Variants in YAF2 observed in about 807,000 individuals in gnomAD.
The protein encoded by YAF2 is YY1 associated factor 2, also known as YY1-associated factor 2.
A neutral mutation model predicts 20.1 loss-of-function variants in YAF2; 7 were observed. The observed-to-expected ratio is 0.35, with a 90% CI of 0.20 to 0.65. The LOEUF is 0.65. YAF2 is among the 30% of genes least tolerant of loss of function. The pLI is 0.69. For synonymous variants in YAF2, 74 were observed against 76.0 expected (o/e 0.97, Z 0.14); for missense variants, 151 against 219.2 (o/e 0.69, Z 1.96).
chr12:42,196,198 G>T (rs2066746561), intron 2 of YAF2, among the ~76,000 whole-genome samples: 1 of 132,704 alleles, frequency 7.5e-6, no homozygotes, highest in Non-Finnish European at 1.5e-5. Flanking sequence ...CTGCACTCCA[G>T]CCTGGGCGAC....
At chr12:42,180,099 C>T (rs978928538) in intron 2 of YAF2, among the ~76,000 whole-genome samples, 1 of 152,158 alleles carries the variant, frequency 6.6e-6, no homozygotes, top group Non-Finnish European at 1.5e-5. Context: ...TGGCAGGCAG[C>T]CTTCTAAAAT....
intron 2 of YAF2, among the ~76,000 whole-genome samples, 160 bp from the exon 3 acceptor site, chr12:42,161,925 TA>T (rs1256550058): frequency 6.6e-6 from 1 of 152,214 alleles, no homozygotes. Context: ...ATTTTAAAGA[TA>T]TGTATCAGTT....
At chr12:42,227,759 C>G (rs2067779848) in intron 2 of YAF2, among the ~76,000 whole-genome samples, 1 of 148,892 alleles carries the variant, frequency 6.7e-6, no homozygotes, top group East Asian at 2.2e-4. Context: ...GGGGGGTCAG[C>G]CCCCCGCCTG....
chr12:42,219,459 G>C (rs1215007573), intron 2 of YAF2, among the ~76,000 whole-genome samples: 1 of 152,182 alleles, frequency 6.6e-6, no homozygotes, highest in African/African-American at 2.4e-5. Context: ...AGGTATAACA[G>C]AGAAAGCATT....
chr12:42,230,871 A>T lies in YAF2; in HGVS notation c.152+6728T>A, dbSNP rs1311241713. ...CATGAAGGAAGTAGAGTTTCAATTTAAAAAGGGCCAAGAACATCAAATACT... is the reference window on the plus strand; with the variant it reads ...CATGAAGGAAGTAGAGTTTCAATTTTAAAAGGGCCAAGAACATCAAATACT... On this transcript the variant is annotated intron_variant, in intron 2 of 3. Transcript: ENST00000534854. Among the ~76,000 whole-genome samples, 10 of 152,236 alleles carry T rather than the reference A, an allele frequency of 6.6e-5. No homozygotes were observed. In the East Asian group the frequency reaches 1.5e-3, roughly 23 times the overall value.
At chr12:42,238,011 C>CT (rs1370653221) in intron 1 of YAF2, 144 bp downstream of exon 1, 1 of 660,400 alleles carries the variant, frequency 1.5e-6, no homozygotes, top group Admixed American at 4.9e-5. Flanking sequence ...CGCCGGCCCC[C>CT]TCAAGCGGCA....
At chr12:42,161,891 T>C in intron 2 of YAF2, 126 bp from the exon 3 acceptor site, 1 of 829,792 alleles carries the variant, frequency 1.2e-6, no homozygotes, top group South Asian at 1.9e-5. Flanking sequence ...AAATTCCTCA[T>C]ATGTAAGGTA....
At chr12:42,228,425 T>TG (rs1257432652) in intron 2 of YAF2, among the ~76,000 whole-genome samples, 2 of 20,924 alleles carry the variant, frequency 9.6e-5, no homozygotes, top group Non-Finnish European at 1.7e-4. Context: ...GGGAGGGAGG[T>TG]GGGGGGGTCA....
At chr12:42,210,742 A>G in intron 2 of YAF2, 1 of 1,430,416 alleles carries the variant, frequency 7.0e-7, no homozygotes, top group East Asian at 2.5e-5. Flanking sequence ...AGAACTACAG[A>G]AGAAAGCATA....
At chr12:42,215,654 G>T (rs2067331652) in intron 2 of YAF2, among the ~76,000 whole-genome samples, 2 of 152,208 alleles carry the variant, frequency 1.3e-5, no homozygotes, top group South Asian at 2.1e-4. Context: ...AGGGCATGGT[G>T]GCTCACACCT....
chr12:42,194,111 A>G (rs2066687618), intron 2 of YAF2, among the ~76,000 whole-genome samples: 1 of 152,218 alleles, frequency 6.6e-6, no homozygotes, highest in Non-Finnish European at 1.5e-5. Flanking sequence ...GAAAACATTA[A>G]AAAAATTAAT....
chr12:42,192,912 A>T (rs930443023), intron 2 of YAF2, among the ~76,000 whole-genome samples: 1 of 152,246 alleles, frequency 6.6e-6, no homozygotes, highest in Non-Finnish European at 1.5e-5. Flanking sequence ...TGAAGCTGAC[A>T]AATACTTATC....
intron 2 of YAF2, among the ~76,000 whole-genome samples, chr12:42,212,041 A>G (rs1333247649): frequency 1.3e-5 from 2 of 152,150 alleles, no homozygotes; most frequent in Non-Finnish European, 2.9e-5. Flanking sequence ...TCTCAAAAAA[A>G]AAAAAGTCTT....
rs181778254 is a variant in YAF2 at position 42,193,756 on chromosome 12, G to A, written c.153-31991C>T. On this transcript the variant is annotated intron_variant, in intron 2 of 3. Coordinates refer to ENST00000534854, the MANE Select transcript of YAF2 (RefSeq NM_005748.6). The stretch of plus-strand genomic sequence containing the variant: ...TGGGCTCAAGTGATCTGCCTGCATC[G>A]GCCTCCCAAAATGCTATGATTACAG... Among the ~76,000 whole-genome samples the A allele has an allele frequency of 8.8e-3, 1,343 of 152,114 alleles. 19 individuals carry two copies. The highest frequency in any genetic ancestry group is 0.011 in the Non-Finnish European group (714 of 67,996).
At chr12:42,198,985 A>G (rs1456265067) in intron 2 of YAF2, 1 of 368,352 alleles carries the variant, frequency 2.7e-6, no homozygotes, top group Admixed American at 4.2e-5. Context: ...AAAAGACTTT[A>G]CAGTGCAATT....
At chr12:42,216,403 AC>A (rs1489051505) in intron 2 of YAF2, among the ~76,000 whole-genome samples, 2 of 152,132 alleles carry the variant, frequency 1.3e-5, no homozygotes, top group African/African-American at 4.8e-5. Context: ...ATGGCTAAAC[AC>A]ACCCCCCTCT....
chr12:42,171,233 C>A (rs186830576), intron 2 of YAF2, among the ~76,000 whole-genome samples: 1 of 152,152 alleles, frequency 6.6e-6, no homozygotes, highest in African/African-American at 2.4e-5. Context: ...TCAAGTGATC[C>A]GCCCACCTTG....
At chr12:42,189,667 A>G (rs1010279940) in intron 2 of YAF2, among the ~76,000 whole-genome samples, 1 of 152,244 alleles carries the variant, frequency 6.6e-6, no homozygotes, top group African/African-American at 2.4e-5. Context: ...TAGATAAAAC[A>G]TATAGTATAT....
At chr12:42,221,359 G>C (rs1592035817) in intron 2 of YAF2, among the ~76,000 whole-genome samples, 1 of 152,198 alleles carries the variant, frequency 6.6e-6, no homozygotes, top group East Asian at 1.9e-4. Context: ...GGGTGCTTGA[G>C]GCAAAGTTTG....
Sources: allele counts gnomAD v4.1 joint callset (sites outside exome capture counted in the v4.1 genomes callset), GRCh38; gene constraint gnomAD v4.1.1; transcripts MANE v1.5; gene names NCBI Gene and HGNC (gene_info 2026-07-23, HGNC 2026-07-21).